The following CYFIP2 variants were observed in gnomAD, a reference collection of about 807,000 sequenced individuals.
CYFIP2 encodes the protein cytoplasmic FMR1 interacting protein 2, also known as cytoplasmic FMR1-interacting protein 2.
Under a neutral mutation model 158.7 loss-of-function variants are expected in CYFIP2, and 29 were observed. The observed-to-expected ratio is 0.18, with a 90% CI of 0.14 to 0.25. CYFIP2 has a LOEUF of 0.25. Among genes scored for constraint, CYFIP2 ranks in the 10% least tolerant of loss-of-function variants. The pLI is 1.00. For missense variants in CYFIP2, 852 were observed against 1,639.5 expected (o/e 0.52, Z 8.29); for synonymous variants, 585 against 617.6 (o/e 0.95, Z 0.78).
In CYFIP2 at chr5:157,311,800, G is replaced by A; in HGVS notation, c.1110+19G>A. ...CAGTGAGGTGAGCATGCAGGCTGCTGGGGCACAGGCCCGTGGGCCCAGGGC... is the reference window on the plus strand; with the variant it reads ...CAGTGAGGTGAGCATGCAGGCTGCTAGGGCACAGGCCCGTGGGCCCAGGGC... On this transcript the variant is annotated intron_variant, in intron 11 of 30. Transcript: ENST00000620254. The surrounding 1 kb of genome is among the most constrained non-coding windows in gnomAD (Gnocchi z 4.7). 1 of 1,576,866 alleles carries A rather than the reference G, an allele frequency of 6.3e-7. No homozygotes were observed. Among genetic ancestry groups the A allele is most frequent in the Non-Finnish European group, 8.6e-7 (1 of 1,160,976 alleles).
At chr5:157,352,594 G>T (rs927185623) in intron 23 of CYFIP2, among the ~76,000 whole-genome samples, 1 of 152,190 alleles carries the variant, frequency 6.6e-6, no homozygotes. Flanking sequence ...ATTTCATCTT[G>T]TATCTCACCC....
At chr5:157,391,966 G>A (rs995789745) in intron 30 of CYFIP2, among the ~76,000 whole-genome samples, 1 of 151,946 alleles carries the variant, frequency 6.6e-6, no homozygotes, top group African/African-American at 2.4e-5. Context: ...CCTGAGGGGT[G>A]AAAAAGTTAT....
At position 157,294,794 on chromosome 5, in the gene CYFIP2, G is replaced by A. The variant is rs749079241; in HGVS notation, c.219G>A (p.Leu73=). 7 of 1,613,624 alleles carry A rather than the reference G, an allele frequency of 4.3e-6. No individual in the cohort carries two copies. The highest frequency in any genetic ancestry group is 1.7e-5 in the Admixed American group (1 of 60,002). The change falls in exon 4 of 31, where the codon CTG becomes CTA. Residue 73 remains leucine, a synonymous_variant. Transcript: ENST00000620254. ...TTTTACCATTTCAGAATGAGATGCT[G>A]GAGGAAGGACATGAGTATGCGGTCA... ...ATVHSSMNEM[L]EEGHEYAVML...
intron 8 of CYFIP2, 111 bp from the exon 9 acceptor site, chr5:157,307,650 T>G: frequency 1.6e-6 from 1 of 606,908 alleles, no homozygotes. Context: ...TGTGTGTGTG[T>G]GTGTGTATGT....
At chr5:157,359,990 T>A (rs1026177990) in intron 24 of CYFIP2, among the ~76,000 whole-genome samples, 3 of 152,358 alleles carry the variant, frequency 2.0e-5, no homozygotes, top group Middle Eastern at 3.4e-3. Flanking sequence ...TCTGCACAAT[T>A]TCCTGGCTCC....
intron 26 of CYFIP2, among the ~76,000 whole-genome samples, chr5:157,378,420 TGTGA>T (rs1235651126): frequency 1.3e-5 from 2 of 152,208 alleles, no homozygotes; most frequent in East Asian, 3.8e-4. Flanking sequence ...TCCTGTCAGA[TGTGA>T]GTGAGGCTGA....
chr5:157,386,683 G>A (rs2113535593), intron 28 of CYFIP2, among the ~76,000 whole-genome samples: 1 of 152,298 alleles, frequency 6.6e-6, no homozygotes, highest in Admixed American at 6.5e-5. Flanking sequence ...ACTTTGGGAG[G>A]CCAAGGTGGG....
chr5:157,361,848 CA>C lies in CYFIP2; in HGVS notation c.3039+251del, dbSNP rs1763855563. Among the ~76,000 whole-genome samples the C allele has an allele frequency of 6.6e-6, 1 of 152,172 alleles. No individual in the cohort carries two copies. The highest frequency in any genetic ancestry group is 1.9e-4 in the East Asian group (1 of 5,172). ...CAAACTGGGGTCCACCTGCCTGGCA[CA>C]GTAAAAACAAACATCCACGCTGAGG... On this transcript the variant is annotated intron_variant, in intron 26 of 30. Transcript: ENST00000620254. This position sits in a 1 kb window ranked among gnomAD's most constrained non-coding sequence, Gnocchi z 4.4.
intron 1 of CYFIP2, among the ~76,000 whole-genome samples, chr5:157,284,127 T>C (rs1202335771): frequency 6.6e-6 from 1 of 152,198 alleles, no homozygotes; most frequent in African/African-American, 2.4e-5. Context: ...TATTTTGCTT[T>C]GCTTTTTGCT....
At chr5:157,331,793 T>C (rs1761483492) in intron 20 of CYFIP2, among the ~76,000 whole-genome samples, 1 of 152,124 alleles carries the variant, frequency 6.6e-6, no homozygotes, top group Non-Finnish European at 1.5e-5. Context: ...TAAGGGGCCC[T>C]GGTCAGTTGG....
At chr5:157,291,466 G>T (rs781295390) in intron 3 of CYFIP2, among the ~76,000 whole-genome samples, 2 of 152,180 alleles carry the variant, frequency 1.3e-5, no homozygotes, top group East Asian at 1.9e-4. Context: ...TGTTCACTGC[G>T]CTGTTTGCAG....
At chr5:157,391,562 A>T (rs2113563576) in intron 30 of CYFIP2, among the ~76,000 whole-genome samples, 1 of 152,276 alleles carries the variant, frequency 6.6e-6, no homozygotes, top group South Asian at 2.1e-4. Flanking sequence ...TGACTGGCTT[A>T]TTTTAGTTAG....
intron 7 of CYFIP2, chr5:157,303,214 T>C: frequency 4.1e-6 from 1 of 246,506 alleles, no homozygotes; most frequent in Non-Finnish European, 7.9e-6. Flanking sequence ...TCTGTCAGAC[T>C]TGGGGCCAAT....
intron 26 of CYFIP2, among the ~76,000 whole-genome samples, chr5:157,370,779 C>G (rs1446646085): frequency 6.6e-6 from 1 of 152,178 alleles, no homozygotes; most frequent in Non-Finnish European, 1.5e-5. Flanking sequence ...AGTTTCCTGG[C>G]TATAGATCTT....
intron 1 of CYFIP2, among the ~76,000 whole-genome samples, chr5:157,275,944 A>G (rs1362614993): frequency 5.3e-5 from 8 of 152,018 alleles, no homozygotes; most frequent in Admixed American, 2.6e-4. Flanking sequence ...TTTTATTTTC[A>G]TATTGTGCAT....
chr5:157,311,105 GGGT>G lies in CYFIP2; in HGVS notation c.993-556_993-554del. ...GAGAGAAGGGGGCGAGAGGTAGAGG[GGGT>G]GGGTGGAGGGAGGGGCCACCCCCAC... On this transcript the variant is annotated intron_variant, in intron 10 of 30. Transcript: ENST00000620254. This position sits in a 1 kb window ranked among gnomAD's most constrained non-coding sequence, Gnocchi z 4.7. 2.2e-6 allele frequency: 1 copy of G among 447,036 alleles called. No homozygotes were observed. Among genetic ancestry groups the G allele is most frequent in the Non-Finnish European group, 4.5e-6 (1 of 224,230 alleles). 27.7% of individuals were successfully genotyped at this position (447,036 alleles called of 1,614,324 possible).
At chr5:157,277,851 C>T (rs1346775835) in intron 1 of CYFIP2, among the ~76,000 whole-genome samples, 1 of 152,146 alleles carries the variant, frequency 6.6e-6, no homozygotes, top group African/African-American at 2.4e-5. Flanking sequence ...TGCATTTACA[C>T]AAACCTGGAT....
intron 23 of CYFIP2, among the ~76,000 whole-genome samples, chr5:157,356,842 T>G (rs1326841266): frequency 6.6e-6 from 1 of 152,180 alleles, no homozygotes; most frequent in Non-Finnish European, 1.5e-5. Context: ...CAAATAGATT[T>G]GTTCCACACC....
At chr5:157,285,290 T>C in intron 1 of CYFIP2, 49 bp from the exon 2 acceptor site, 1 of 1,332,706 alleles carries the variant, frequency 7.5e-7, no homozygotes, top group Non-Finnish European at 1.1e-6. Flanking sequence ...TAAGAGGAAT[T>C]TTAGAGGCCC....
Sources: gnomAD v4.1 joint callset for allele counts (sites outside exome capture counted in the v4.1 genomes callset) on GRCh38, gnomAD v4.1.1 for gene constraint, Gnocchi (gnomAD v3.1) non-coding constraint, MANE v1.5 for transcripts, NCBI Gene and HGNC (gene_info 2026-07-23, HGNC 2026-07-21) for gene names.